Variants in OSBPL8 observed in about 807,000 individuals in gnomAD.
The protein encoded by OSBPL8 is oxysterol binding protein like 8, also known as oxysterol-binding protein-related protein 8.
Under a neutral mutation model 125.5 loss-of-function variants are expected in OSBPL8, and 59 were observed. That is an observed-to-expected ratio of 0.47 (90% confidence interval 0.38 to 0.58). The LOEUF (loss-of-function observed/expected upper bound fraction) is 0.58. OSBPL8 is among the 20% of genes least tolerant of loss of function. OSBPL8 has a pLI of 0.00. For missense variants in OSBPL8, 758 were observed against 1,047.8 expected (o/e 0.72, Z 3.82); for synonymous variants, 330 against 338.9 (o/e 0.97, Z 0.29).
intron 4 of OSBPL8, among the ~76,000 whole-genome samples, chr12:76,411,637 G>T (rs1015817387): frequency 6.6e-6 from 1 of 151,544 alleles, no homozygotes; most frequent in Non-Finnish European, 1.5e-5. Flanking sequence ...AATTTTATAT[G>T]ATATAAAAAA....
chr12:76,453,927 G>A lies in OSBPL8; in HGVS notation c.80-2939C>T, dbSNP rs1428287378. ...ATTCACAAAAGAAAAATGCAAATGG[G>A]CAATAAATGTATGAAAAGATGTTCA... On this transcript the variant is annotated intron_variant, in intron 3 of 23. Coordinates refer to ENST00000261183, the MANE Select transcript of OSBPL8 (RefSeq NM_020841.5). Among the ~76,000 whole-genome samples, 6 of 152,040 alleles carry A rather than the reference G, an allele frequency of 3.9e-5. No homozygotes were observed. In the East Asian group the frequency reaches 7.7e-4, roughly 20 times the overall value.
intron 14 of OSBPL8, 110 bp from the exon 15 acceptor site, chr12:76,384,460 ATGAG>A (rs1565847799): frequency 2.5e-5 from 14 of 550,398 alleles, no homozygotes; most frequent in African/African-American, 3.9e-5. Context: ...AAGTCTTATA[ATGAG>A]TAAGAAAAAA....
chr12:76,443,068 T>C (rs761763968), intron 4 of OSBPL8, among the ~76,000 whole-genome samples: 4 of 152,196 alleles, frequency 2.6e-5, no homozygotes, highest in South Asian at 4.1e-4. Flanking sequence ...AAAACAGATA[T>C]TTTAATTTGA....
intron 1 of OSBPL8, among the ~76,000 whole-genome samples, chr12:76,554,609 T>C (rs1174720850): frequency 1.3e-5 from 2 of 152,210 alleles, no homozygotes; most frequent in Non-Finnish European, 2.9e-5. Flanking sequence ...TGTGATGACA[T>C]GTCAAGTACT....
intron 18 of OSBPL8, among the ~76,000 whole-genome samples, chr12:76,372,236 T>G (rs1459816802): frequency 6.6e-6 from 1 of 152,128 alleles, no homozygotes; most frequent in Non-Finnish European, 1.5e-5. Flanking sequence ...GACAGGGTCT[T>G]GCTTTCTCAC....
chr12:76,400,460 T>C (rs1182993799), intron 6 of OSBPL8, among the ~76,000 whole-genome samples: 5 of 152,202 alleles, frequency 3.3e-5, no homozygotes, highest in Non-Finnish European at 7.3e-5. Flanking sequence ...GCAATGAACA[T>C]ATACATGCAT....
chr12:76,550,088 T>C (rs1161923482), intron 1 of OSBPL8, among the ~76,000 whole-genome samples: 2 of 147,088 alleles, frequency 1.4e-5, no homozygotes, highest in Admixed American at 1.4e-4. Context: ...TGCTGAAGAG[T>C]TGGGGTGTGG....
intron 15 of OSBPL8, among the ~76,000 whole-genome samples, chr12:76,383,340 ATAAACT>A (rs1282015446): frequency 2.0e-5 from 3 of 151,932 alleles, no homozygotes; most frequent in African/African-American, 7.2e-5. Flanking sequence ...TGAAATATAG[ATAAACT>A]TAAGGGGAAA....
At chr12:76,529,666 A>G (rs1248650640) in intron 1 of OSBPL8, among the ~76,000 whole-genome samples, 1 of 152,214 alleles carries the variant, frequency 6.6e-6, no homozygotes, top group Non-Finnish European at 1.5e-5. Flanking sequence ...AAGACTCGAG[A>G]TAAGAATAGG....
chr12:76,468,711 C>T (rs1265990603), intron 2 of OSBPL8, among the ~76,000 whole-genome samples: 2 of 152,190 alleles, frequency 1.3e-5, no homozygotes, highest in Non-Finnish European at 2.9e-5. Flanking sequence ...ATAATTATCT[C>T]ACAGTATTGT....
intron 4 of OSBPL8, chr12:76,423,229 A>C (rs933714281): frequency 2.6e-5 from 4 of 152,308 alleles, no homozygotes; most frequent in Non-Finnish European, 5.9e-5. Flanking sequence ...TCATAAGGAA[A>C]GATACTCTTT....
rs992805704 is a variant in OSBPL8 at position 76,416,665 on chromosome 12, TA to T, written c.218-6032del. 3.3e-5 allele frequency among the ~76,000 whole-genome samples: 5 copies of T among 152,234 alleles called. No homozygotes were observed. The South Asian group carries it at 6.2e-4, about 19-fold the overall frequency. On this transcript the variant is annotated intron_variant, in intron 4 of 23. Coordinates refer to ENST00000261183, the MANE Select transcript of OSBPL8 (RefSeq NM_020841.5). ...TTTCAGTAGTGTTTGCATTGCTTTTTATCCCTAGTCCTTCCCTACCCCAACT... is the reference window on the plus strand; with the variant it reads ...TTTCAGTAGTGTTTGCATTGCTTTTTTCCCTAGTCCTTCCCTACCCCAACT...
rs1403770107 is a variant in OSBPL8 at position 76,410,643 on chromosome 12, AAT to A, written c.218-11_218-10del. 7.0e-6 allele frequency: 11 copies of A among 1,563,208 alleles called. No individual in the cohort carries two copies. In the East Asian group the frequency reaches 1.1e-4, roughly 16 times the overall value. On this transcript the variant is annotated splice_polypyrimidine_tract_variant and intron_variant, in intron 4 of 23. Coordinates refer to ENST00000261183, the MANE Select transcript of OSBPL8 (RefSeq NM_020841.5). ...CTTCCCTCTTTCAAAACCTTAAAAA[AAT>A]AGTCAGCATATCAGTATTACTACTT...
intron 4 of OSBPL8, among the ~76,000 whole-genome samples, chr12:76,445,329 ACTTT>A (rs1872618136): frequency 1.3e-5 from 2 of 152,202 alleles, no homozygotes; most frequent in African/African-American, 2.4e-5. Context: ...AGTAGGCAAA[ACTTT>A]CTTTAATAGG....
At chr12:76,513,752 T>G (rs991742455) in intron 1 of OSBPL8, among the ~76,000 whole-genome samples, 14 of 151,730 alleles carry the variant, frequency 9.2e-5, no homozygotes, top group African/African-American at 2.9e-4. Flanking sequence ...GGGTTTTTTT[T>G]TTTTTTTTTT....
chr12:76,543,683 T>C (rs1950706105), intron 1 of OSBPL8, among the ~76,000 whole-genome samples: 2 of 152,140 alleles, frequency 1.3e-5, no homozygotes, highest in South Asian at 4.1e-4. Flanking sequence ...TGCACTCCAA[T>C]GGGGTAGCTG....
chr12:76,489,873 G>C (rs1038456252), intron 1 of OSBPL8, among the ~76,000 whole-genome samples: 1 of 152,208 alleles, frequency 6.6e-6, no homozygotes, highest in Non-Finnish European at 1.5e-5. Flanking sequence ...TAATGGAAAA[G>C]ATTCACCATT....
Position 76,410,567 on chromosome 12 carries a change from G to T in OSBPL8, c.285C>A (p.Ser95Arg). The change falls in exon 5 of 24, where the codon AGC (serine) becomes AGA (arginine). Residue 95 changes from serine to arginine, a missense_variant. This residue lies in a region of OSBPL8 where 117 missense variants were observed against 137.1 expected (regional missense o/e 0.85). Transcript: ENST00000261183. The part of the protein sequence containing the change: ...KDESSLSMSK[S>R]KSESKLYNGS... ...GTATTTGCTTATATATGCTTACCTT[G>T]CTCTTTGACATAGAAAGTGAAGATT... The T allele has an allele frequency of 6.3e-7, 1 of 1,595,462 alleles. No individual in the cohort carries two copies.
chr12:76,435,083 G>C (rs962273494), intron 4 of OSBPL8, among the ~76,000 whole-genome samples: 6 of 152,026 alleles, frequency 3.9e-5, no homozygotes, highest in Admixed American at 1.3e-4. Flanking sequence ...ACTCACAATA[G>C]CGAAGATATG....
Sources: gnomAD v4.1 joint callset for allele counts (sites outside exome capture counted in the v4.1 genomes callset) on GRCh38, gnomAD v4.1.1 for gene constraint, gnomAD v4.1.1 regional missense constraint, MANE v1.5 for transcripts, NCBI Gene and HGNC (gene_info 2026-07-23, HGNC 2026-07-21) for gene names.